CRYZL1: variants seen among roughly 807,000 people sequenced by gnomAD.
The protein encoded by CRYZL1 is crystallin zeta like 1.
A neutral mutation model predicts 50.6 loss-of-function variants in CRYZL1; 34 were observed. The ratio of observed to expected loss-of-function variants is 0.67; its 90% CI spans 0.51 to 0.89. The LOEUF is 0.89. Ranked by LOEUF, CRYZL1 falls within the 40% of genes least tolerant of loss-of-function variation. CRYZL1 has a pLI of 0.00. For synonymous variants in CRYZL1, 125 were observed against 134.3 expected, an observed-to-expected ratio of 0.93 and a Z score of 0.48; for missense variants, 354 against 402.3, an observed-to-expected ratio of 0.88 and a Z score of 1.03.
chr21:33,633,133 T>C (rs943066703), intron 1 of CRYZL1, among the ~76,000 whole-genome samples: 11 of 152,232 alleles, frequency 7.2e-5, no homozygotes, highest in African/African-American at 2.4e-4. Flanking sequence ...CATTCCACTA[T>C]AGACAGACAC....
intron 1 of CRYZL1, among the ~76,000 whole-genome samples, chr21:33,639,116 G>C (rs1226168083): frequency 6.6e-6 from 1 of 152,082 alleles, no homozygotes; most frequent in Non-Finnish European, 1.5e-5. Context: ...GAACTCTTTT[G>C]GATCTCAAAA....
At chr21:33,604,093 C>T (rs546899749) in intron 6 of CRYZL1, among the ~76,000 whole-genome samples, 13 of 152,022 alleles carry the variant, frequency 8.6e-5, no homozygotes, top group South Asian at 6.2e-4. Flanking sequence ...TCTGGCCGGG[C>T]GTGGTGGCTC....
intron 2 of CRYZL1, among the ~76,000 whole-genome samples, chr21:33,627,339 T>G (rs147702728): frequency 2.6e-4 from 39 of 152,272 alleles, no homozygotes; most frequent in African/African-American, 9.1e-4. Context: ...GCTTAAGTGA[T>G]CCTCCTGCCT....
chr21:33,626,594 G>A (rs1167078379), intron 2 of CRYZL1, among the ~76,000 whole-genome samples: 1 of 151,866 alleles, frequency 6.6e-6, no homozygotes, highest in African/African-American at 2.4e-5. Flanking sequence ...GTACTTGGGA[G>A]GCTGAGACAG....
chr21:33,606,810 G>C (rs2086819522), intron 6 of CRYZL1, among the ~76,000 whole-genome samples: 1 of 152,074 alleles, frequency 6.6e-6, no homozygotes, highest in Non-Finnish European at 1.5e-5. Flanking sequence ...AGGAGTTCAA[G>C]ACCAGCCTGA....
At chr21:33,622,682 T>C (rs1301355120) in intron 3 of CRYZL1, among the ~76,000 whole-genome samples, 1 of 152,222 alleles carries the variant, frequency 6.6e-6, no homozygotes, top group Non-Finnish European at 1.5e-5. Flanking sequence ...TGTAAGTACT[T>C]GTCTTTTGAA....
intron 6 of CRYZL1, among the ~76,000 whole-genome samples, chr21:33,610,727 GTTTT>G (rs747790692): frequency 3.0e-5 from 3 of 101,478 alleles, no homozygotes; most frequent in African/African-American, 7.7e-5. Context: ...TTGTTTGGTT[GTTTT>G]TTTTTTTTTT....
chr21:33,594,706 A>G (rs1011297874), intron 11 of CRYZL1: 1 of 136,856 alleles, frequency 7.3e-6, no homozygotes, highest in Admixed American at 8.2e-5. Context: ...GTAGTAGTGC[A>G]ATCTTGGCTC....
Position 33,628,608 on chromosome 21 carries a change from T to C in CRYZL1, c.66+2878A>G, listed in dbSNP as rs1160560951. On this transcript the variant is annotated intron_variant, in intron 2 of 12. Coordinates refer to ENST00000381554, the MANE Select transcript of CRYZL1 (RefSeq NM_145858.3). ...GTTGCCTTCTTAATTTCTTTCTTTT[T>C]TTTTTTTTTTTTGAGACAAGTCTTG... Among the ~76,000 whole-genome samples the C allele has an allele frequency of 6.4e-3, 965 of 150,026 alleles. 11 individuals are homozygous for C. Among genetic ancestry groups the C allele is most frequent in the African/African-American group, 0.019 (797 of 41,092 alleles).
At position 33,597,076 on chromosome 21, in the gene CRYZL1, G is replaced by A. The variant is rs1270950225; in HGVS notation, c.798+204C>T. Reference sequence around the variant, plus strand: ...GTAGAGATGGGGTTTCACCATGTTGGCCAGGCTGGTCTTGAACTCCTGGCC... The same window carrying A: ...GTAGAGATGGGGTTTCACCATGTTGACCAGGCTGGTCTTGAACTCCTGGCC... On this transcript the variant is annotated intron_variant, in intron 10 of 12. Coordinates refer to ENST00000381554, the MANE Select transcript of CRYZL1 (RefSeq NM_145858.3). Among the ~76,000 whole-genome samples the A allele has an allele frequency of 2.0e-5, 3 of 151,592 alleles. No individual in the cohort carries two copies. In the East Asian group the frequency reaches 5.8e-4, roughly 29 times the overall value.
chr21:33,606,257 T>C (rs1459029272), intron 6 of CRYZL1, among the ~76,000 whole-genome samples: 1 of 152,180 alleles, frequency 6.6e-6, no homozygotes, highest in Non-Finnish European at 1.5e-5. Flanking sequence ...AATTTACTTA[T>C]TGGGAACATC....
At chr21:33,604,163 C>T (rs566207403) in intron 6 of CRYZL1, among the ~76,000 whole-genome samples, 4 of 151,644 alleles carry the variant, frequency 2.6e-5, no homozygotes, top group South Asian at 2.1e-4. Flanking sequence ...CTCAGGAGAT[C>T]GAGACCACGG....
At chr21:33,639,154 T>C (rs138387278) in intron 1 of CRYZL1, among the ~76,000 whole-genome samples, 1 of 152,244 alleles carries the variant, frequency 6.6e-6, no homozygotes, top group East Asian at 1.9e-4. Context: ...CCCACCTCCA[T>C]GAGGGATTTA....
At chr21:33,633,898 G>A (rs558223807) in intron 1 of CRYZL1, among the ~76,000 whole-genome samples, 1 of 152,280 alleles carries the variant, frequency 6.6e-6, no homozygotes, top group Admixed American at 6.5e-5. Flanking sequence ...AGACTGCATA[G>A]GCCATATGTC....
intron 11 of CRYZL1, among the ~76,000 whole-genome samples, chr21:33,593,068 A>G (rs1432565825): frequency 2.0e-5 from 3 of 151,078 alleles, no homozygotes; most frequent in African/African-American, 4.9e-5. Context: ...AAAAAAAAAG[A>G]AAGAAAGAAA....
rs916557224 is a variant in CRYZL1 at position 33,639,912 on chromosome 21, G to A, written c.-7+1769C>T. 7.9e-5 allele frequency: 21 copies of A among 264,316 alleles called. No individual in the cohort carries two copies. The East Asian group carries it at 1.6e-3, about 20-fold the overall frequency. 16.4% of individuals were successfully genotyped at this position (264,316 alleles called of 1,614,324 possible). ...GTGATCTTGGCTCACTGTAACCTCC[G>A]CCTCCCGGGTTCAAGCAATTCTCCT... On this transcript the variant is annotated intron_variant, in intron 1 of 12. Coordinates refer to ENST00000381554, the MANE Select transcript of CRYZL1 (RefSeq NM_145858.3).
At position 33,595,837 on chromosome 21, in the gene CRYZL1, CT is replaced by C; in HGVS notation, c.799-2del. ...GGCAGTGGCTATCTGGAGGATCCAA[CT>C]TGGATAGAATGAAACAAAGACTAAT... is the stretch of plus-strand genomic sequence containing the variant. On this transcript the variant is annotated splice_acceptor_variant, in intron 10 of 12. Coordinates refer to ENST00000381554, the MANE Select transcript of CRYZL1 (RefSeq NM_145858.3). LOFTEE classifies it high-confidence loss of function. 6.3e-7 allele frequency: 1 copy of C among 1,597,090 alleles called. No homozygotes were observed. Among genetic ancestry groups the C allele is most frequent in the Non-Finnish European group, 8.6e-7 (1 of 1,164,548 alleles).
At chr21:33,598,965 C>T (rs888319104) in intron 9 of CRYZL1, among the ~76,000 whole-genome samples, 185 bp downstream of exon 9, 5 of 152,034 alleles carry the variant, frequency 3.3e-5, no homozygotes, top group African/African-American at 1.2e-4. Flanking sequence ...TTACATACAG[C>T]GCTTACAATG....
At chr21:33,616,659 G>A in intron 5 of CRYZL1, 47 bp downstream of exon 5, 5 of 1,603,986 alleles carry the variant, frequency 3.1e-6, no homozygotes, top group South Asian at 1.1e-5. Flanking sequence ...AAACAGAGAT[G>A]ACGGTAAAAT....
Sources: allele counts gnomAD v4.1 joint callset (sites outside exome capture counted in the v4.1 genomes callset), GRCh38; gene constraint gnomAD v4.1.1; transcripts MANE v1.5; gene names NCBI Gene and HGNC (gene_info 2026-07-23, HGNC 2026-07-21).